CCNY: variants seen among roughly 807,000 people sequenced by gnomAD.
CCNY encodes the protein cyclin-Y.
CCNY carries 19 observed loss-of-function variants against 42.8 expected under a neutral mutation model. The ratio of observed to expected loss-of-function variants is 0.44; its 90% CI spans 0.31 to 0.65. The LOEUF is 0.65. Among genes scored for constraint, CCNY ranks in the 30% least tolerant of loss-of-function variants. CCNY has a pLI of 0.07. For synonymous variants in CCNY, 165 were observed against 162.7 expected, an observed-to-expected ratio of 1.01 and a Z score of -0.11; for missense variants, 370 against 437.3, an observed-to-expected ratio of 0.85 and a Z score of 1.37.
At chr10:35,412,452 T>C (rs1303456296) in intron 1 of CCNY, among the ~76,000 whole-genome samples, 2 of 151,846 alleles carry the variant, frequency 1.3e-5, no homozygotes, top group African/African-American at 4.8e-5. Flanking sequence ...CATTCCCAAG[T>C]ACAGAGGCTG....
chr10:35,489,150 G>C (rs988385634), intron 2 of CCNY, among the ~76,000 whole-genome samples: 1 of 152,054 alleles, frequency 6.6e-6, no homozygotes, highest in African/African-American at 2.4e-5. Flanking sequence ...GGTGGCAGGT[G>C]CCTGTAGTCT....
chr10:35,405,954 G>C (rs535904494), intron 1 of CCNY, among the ~76,000 whole-genome samples: 6 of 152,296 alleles, frequency 3.9e-5, no homozygotes, highest in Admixed American at 1.3e-4. Flanking sequence ...AAGATCCTGG[G>C]GGAGGAAGTT....
At chr10:35,280,043 C>T (rs1337210691) in intron 3 of CCNY, among the ~76,000 whole-genome samples, 1 of 152,196 alleles carries the variant, frequency 6.6e-6, no homozygotes, top group African/African-American at 2.4e-5. Flanking sequence ...TTGTTCAGAT[C>T]ACCAAAGATC....
chr10:35,379,630 C>T (rs750976598), intron 1 of CCNY, among the ~76,000 whole-genome samples: 3 of 152,194 alleles, frequency 2.0e-5, no homozygotes, highest in Non-Finnish European at 4.4e-5. Context: ...CTCCTGGTGA[C>T]GAAGTGATGT....
intron 1 of CCNY, among the ~76,000 whole-genome samples, chr10:35,460,481 G>A (rs765218205): frequency 9.2e-5 from 14 of 152,060 alleles, no homozygotes; most frequent in Non-Finnish European, 1.9e-4. Context: ...ATAATTATTA[G>A]AAGTTTCAAG....
intron 3 of CCNY, chr10:35,316,362 A>C (rs75426677): frequency 6.6e-6 from 1 of 152,134 alleles, no homozygotes; most frequent in Non-Finnish European, 1.5e-5. Context: ...TCACCACTGC[A>C]GTGTGCATTC....
intron 1 of CCNY, among the ~76,000 whole-genome samples, chr10:35,456,032 A>T (rs1839026951): frequency 6.6e-6 from 1 of 151,994 alleles, no homozygotes; most frequent in Non-Finnish European, 1.5e-5. Flanking sequence ...AACTTTAGGT[A>T]CCTTGCTGCA....
intron 3 of CCNY, among the ~76,000 whole-genome samples, chr10:35,331,038 C>T (rs1835937860): frequency 6.6e-6 from 1 of 152,218 alleles, no homozygotes; most frequent in Admixed American, 6.5e-5. Context: ...GGATTACAGG[C>T]GTGAGCCACT....
intron 3 of CCNY, among the ~76,000 whole-genome samples, chr10:35,269,553 C>T (rs532660094): frequency 2.6e-5 from 4 of 152,118 alleles, no homozygotes; most frequent in African/African-American, 7.2e-5. Context: ...GATCCACCCT[C>T]CTCAACCTCC....
intron 3 of CCNY, among the ~76,000 whole-genome samples, chr10:35,322,091 C>T (rs1835828103): frequency 6.6e-6 from 1 of 152,192 alleles, no homozygotes; most frequent in Non-Finnish European, 1.5e-5. Flanking sequence ...TGCGGTGGCT[C>T]ACGCCTGTAA....
intron 3 of CCNY, among the ~76,000 whole-genome samples, chr10:35,286,292 G>A (rs980686002): frequency 2.0e-5 from 3 of 150,368 alleles, no homozygotes; most frequent in Non-Finnish European, 4.4e-5. Flanking sequence ...TATTTATTTA[G>A]TGGTAACTCT....
Position 35,430,402 on chromosome 10 carries a change from G to A in CCNY, c.155-53002G>A, listed in dbSNP as rs536401515. 3.1e-4 allele frequency among the ~76,000 whole-genome samples: 45 copies of A among 147,260 alleles called. 1 individual carries two copies. The highest frequency in any genetic ancestry group is 9.1e-4 in the African/African-American group (36 of 39,742). ...AATCCTGCCATAGAGTTTCACATTC[G>A]TCCATAGTTAATTTCATGGTAATTT... On this transcript the variant is annotated intron_variant, in intron 1 of 9. Transcript: ENST00000374704.
intron 1 of CCNY, among the ~76,000 whole-genome samples, chr10:35,469,621 T>C (rs550713118): frequency 4.5e-5 from 6 of 132,092 alleles, no homozygotes; most frequent in East Asian, 2.5e-4. Flanking sequence ...GAGAGACAGA[T>C]AGACAGGGGG....
At chr10:35,345,837 C>G (rs944009704) in intron 1 of CCNY, among the ~76,000 whole-genome samples, 2 of 152,188 alleles carry the variant, frequency 1.3e-5, no homozygotes, top group Admixed American at 1.3e-4. Flanking sequence ...AATAGAAATA[C>G]TATTTCTCAG....
At chr10:35,492,226 G>C (rs147611812) in intron 2 of CCNY, among the ~76,000 whole-genome samples, 92 of 152,306 alleles carry the variant, frequency 6.0e-4, no homozygotes, top group African/African-American at 1.9e-3. Context: ...CACACACACA[G>C]AGCCCTTTTC....
intron 1 of CCNY, among the ~76,000 whole-genome samples, chr10:35,451,765 C>G (rs1434617609): frequency 6.6e-6 from 1 of 152,194 alleles, no homozygotes; most frequent in Non-Finnish European, 1.5e-5. Flanking sequence ...ATGTCTTTTA[C>G]CCTCTACAAC....
intron 3 of CCNY, among the ~76,000 whole-genome samples, chr10:35,295,020 C>T (rs1287764772): frequency 6.6e-6 from 1 of 151,766 alleles, no homozygotes; most frequent in Admixed American, 6.6e-5. Flanking sequence ...AACTTTTAGC[C>T]AGCTGGGACC....
At chr10:35,496,344 G>A (rs939698975) in intron 2 of CCNY, among the ~76,000 whole-genome samples, 9 of 152,260 alleles carry the variant, frequency 5.9e-5, no homozygotes, top group Admixed American at 3.9e-4. Flanking sequence ...GAGGGCGGAT[G>A]TATAGAGGAA....
At chr10:35,342,965 A>G (rs927338834) in intron 1 of CCNY, among the ~76,000 whole-genome samples, 3 of 148,870 alleles carry the variant, frequency 2.0e-5, no homozygotes, top group Non-Finnish European at 3.0e-5. Context: ...TTGTCTAGCA[A>G]TATTTTGTGT....
Sources: gnomAD v4.1 joint callset for allele counts (sites outside exome capture counted in the v4.1 genomes callset) on GRCh38, gnomAD v4.1.1 for gene constraint, MANE v1.5 for transcripts, NCBI Gene and HGNC (gene_info 2026-07-23, HGNC 2026-07-21) for gene names.